The following CHL1 variants were observed in gnomAD, a reference collection of about 807,000 sequenced individuals.
The protein encoded by CHL1 is neural cell adhesion molecule L1-like protein.
Under a neutral mutation model 141.9 loss-of-function variants are expected in CHL1, and 96 were observed. That is an observed-to-expected ratio of 0.68 (90% CI 0.57 to 0.80). CHL1 has a LOEUF of 0.80. Ranked by LOEUF, CHL1 falls within the 30% of genes least tolerant of loss-of-function variation. The pLI, the probability that CHL1 is intolerant of heterozygous loss-of-function variation, is 0.00. For missense variants in CHL1, 1,820 were observed against 1,457.2 expected, an observed-to-expected ratio of 1.25 and a Z score of -4.05; for synonymous variants, 613 against 502.2, an observed-to-expected ratio of 1.22 and a Z score of -2.95.
chr3:244,839 C>G (rs1262053598), intron 2 of CHL1, 147 bp downstream of exon 2: 1 of 152,056 alleles, frequency 6.6e-6, no homozygotes, highest in Non-Finnish European at 1.5e-5. Flanking sequence ...TAGATATGGA[C>G]CAGATATATC....
chr3:397,402 A>C (rs1708765017), intron 24 of CHL1, among the ~76,000 whole-genome samples: 1 of 152,022 alleles, frequency 6.6e-6, no homozygotes, highest in Admixed American at 6.6e-5. Context: ...ACATATACCC[A>C]CTTAAAATAG....
chr3:358,556 T>C (rs1703925132), intron 11 of CHL1, among the ~76,000 whole-genome samples: 1 of 152,178 alleles, frequency 6.6e-6, no homozygotes, highest in South Asian at 2.1e-4. Flanking sequence ...CAGGGGCCTT[T>C]CAGGAATAAA....
intron 2 of CHL1, among the ~76,000 whole-genome samples, chr3:268,862 C>G (rs138151197): frequency 7.9e-5 from 12 of 152,128 alleles, no homozygotes; most frequent in African/African-American, 2.4e-4. Context: ...TTCCAGTATT[C>G]GAGAATACAG....
At chr3:313,050 A>T (rs1699880238) in intron 2 of CHL1, among the ~76,000 whole-genome samples, 1 of 152,138 alleles carries the variant, frequency 6.6e-6, no homozygotes, top group South Asian at 2.1e-4. Flanking sequence ...AGTGAAGAGG[A>T]ATGTCAACGT....
intron 1 of CHL1, chr3:197,939 G>A (rs570326804): frequency 2.5e-6 from 1 of 392,194 alleles, no homozygotes; most frequent in East Asian, 7.3e-5. Context: ...TTAATTTGGG[G>A]AGCAGGGATT....
intron 19 of CHL1, among the ~76,000 whole-genome samples, chr3:386,068 A>T (rs954780557): frequency 2.0e-5 from 3 of 152,090 alleles, no homozygotes; most frequent in African/African-American, 7.2e-5. Context: ...TGTATGGATC[A>T]TCCTGCGGAA....
chr3:378,384 G>A (rs1348958561), intron 16 of CHL1, among the ~76,000 whole-genome samples: 1 of 152,180 alleles, frequency 6.6e-6, no homozygotes, highest in Non-Finnish European at 1.5e-5. Flanking sequence ...GTTCCAGGAA[G>A]GATGGAGAGG....
intron 9 of CHL1, 96 bp downstream of exon 9, chr3:344,805 A>T: frequency 7.9e-7 from 1 of 1,267,192 alleles, no homozygotes; most frequent in African/African-American, 1.5e-5. Context: ...AAGATATTTT[A>T]AAATTATTTC....
chr3:311,193 GT>G (rs1575032654), intron 2 of CHL1, among the ~76,000 whole-genome samples: 1 of 152,060 alleles, frequency 6.6e-6, no homozygotes, highest in Admixed American at 6.5e-5. Context: ...CCATGTACAA[GT>G]TTTTTGTGGA....
chr3:206,397 C>G (rs545594566), intron 1 of CHL1, among the ~76,000 whole-genome samples: 1 of 151,752 alleles, frequency 6.6e-6, no homozygotes, highest in Non-Finnish European at 1.5e-5. Flanking sequence ...ACCCAGGAGG[C>G]GGAGGTTGCA....
intron 1 of CHL1, among the ~76,000 whole-genome samples, chr3:220,603 A>T (rs1256769132): frequency 6.6e-6 from 1 of 152,118 alleles, no homozygotes; most frequent in Non-Finnish European, 1.5e-5. Flanking sequence ...CATTCAAAGG[A>T]TTTTACACCT....
At chr3:328,938 T>C (rs774525258) in intron 5 of CHL1, among the ~76,000 whole-genome samples, 4 of 152,150 alleles carry the variant, frequency 2.6e-5, no homozygotes, top group Non-Finnish European at 5.9e-5. Context: ...GCAAGTTGCA[T>C]AGTCCCATCT....
intron 2 of CHL1, among the ~76,000 whole-genome samples, chr3:288,714 C>T (rs938894933): frequency 4.6e-5 from 7 of 152,180 alleles, no homozygotes; most frequent in African/African-American, 1.4e-4. Context: ...TCCATCTTTG[C>T]ATTCTCTATG....
At chr3:303,561 G>C (rs1698953775) in intron 2 of CHL1, among the ~76,000 whole-genome samples, 1 of 152,204 alleles carries the variant, frequency 6.6e-6, no homozygotes, top group Non-Finnish European at 1.5e-5. Flanking sequence ...AGGAATGCTT[G>C]TGATTTTTGC....
intron 27 of CHL1, among the ~76,000 whole-genome samples, chr3:402,309 G>A (rs966923125): frequency 1.3e-5 from 2 of 152,218 alleles, no homozygotes; most frequent in African/African-American, 4.8e-5. Context: ...GACCAAATGA[G>A]TGAGGGTGTG....
chr3:234,472 A>G (rs1691748754), intron 1 of CHL1, among the ~76,000 whole-genome samples: 2 of 152,190 alleles, frequency 1.3e-5, no homozygotes, highest in African/African-American at 4.8e-5. Flanking sequence ...ACTAAAATAC[A>G]AAGACAGCCC....
intron 2 of CHL1, among the ~76,000 whole-genome samples, chr3:299,167 G>A (rs535061564): frequency 2.0e-5 from 3 of 152,302 alleles, no homozygotes; most frequent in Admixed American, 6.5e-5. Context: ...ACACAGTCAC[G>A]TAAATAAATA....
rs746114874 is a variant in CHL1, at chr3:394,744, C to T, written c.2966C>T (p.Pro989Leu). 1.2e-6 allele frequency: 2 copies of T among 1,613,730 alleles called. No homozygotes were observed. Among genetic ancestry groups the T allele is most frequent in the South Asian group, 2.2e-5 (2 of 91,062 alleles). The change falls in exon 24 of 28, where the codon CCA becomes CTA. Residue 989 changes from proline to leucine, a missense_variant. Coordinates refer to ENST00000256509, the MANE Select transcript of CHL1 (RefSeq NM_006614.4). ...GELNDINITT[P>L]SKPSWHLSNL... ...TTAAATGATATTAACATTACAACTC[C>T]ATCAAAGCCCAGCTGGCACCTCTCA...
At position 398,298 on chromosome 3, in the gene CHL1, G is replaced by A; in HGVS notation, c.3166G>A (p.Gly1056Arg). Residue 1056 changes from glycine to arginine, a missense_variant, in exon 25 of 28, where the codon GGA becomes AGA. Coordinates refer to ENST00000256509, the MANE Select transcript of CHL1 (RefSeq NM_006614.4). ...TCACCCAATAGAGGTATTTGAGCCG[G>A]GAGCTGAACATATAGTTCGCCTAAT... ...KTHPIEVFEP[G>R]AEHIVRLMTK... 1.9e-6 allele frequency: 3 copies of A among 1,607,388 alleles called. No individual in the cohort carries two copies. The highest frequency in any genetic ancestry group is 2.6e-6 in the Non-Finnish European group (3 of 1,174,054).
Sources: gnomAD v4.1 joint callset for allele counts (sites outside exome capture counted in the v4.1 genomes callset) on GRCh38, gnomAD v4.1.1 for gene constraint, MANE v1.5 for transcripts, NCBI Gene and HGNC (gene_info 2026-07-23, HGNC 2026-07-21) for gene names.